The following TARDBP variants were observed in gnomAD, a reference collection of about 807,000 sequenced individuals.
TARDBP encodes the protein TAR DNA-binding protein 43.
Under a neutral mutation model 38.3 loss-of-function variants are expected in TARDBP, and 4 were observed. That is an observed-to-expected ratio of 0.10 (90% CI 0.05 to 0.24). TARDBP has a LOEUF of 0.24. Ranked by LOEUF, TARDBP falls within the 10% of genes least tolerant of loss-of-function variation. TARDBP has a pLI of 1.00. For missense variants in TARDBP, 202 were observed against 521.9 expected, an observed-to-expected ratio of 0.39 and a Z score of 5.97; for synonymous variants, 184 against 183.8, an observed-to-expected ratio of 1.00 and a Z score of -0.01.
At chr1:11,017,319 C>G (rs986667432) in intron 3 of TARDBP, among the ~76,000 whole-genome samples, 3 of 150,720 alleles carry the variant, frequency 2.0e-5, no homozygotes, top group Non-Finnish European at 4.4e-5. Flanking sequence ...TTTCTCCTGT[C>G]TCGGCCTCCT....
chr1:11,015,731 GT>G (rs956345965), intron 2 of TARDBP: 16 of 140,364 alleles, frequency 1.1e-4, no homozygotes, highest in Non-Finnish European at 2.0e-4. Context: ...TATTTGGGGG[GT>G]TTTTTTGTTG....
At chr1:11,014,070 A>G in intron 2 of TARDBP, 105 bp downstream of exon 2, 1 of 1,176,424 alleles carries the variant, frequency 8.5e-7, no homozygotes, top group East Asian at 2.3e-5. Flanking sequence ...CCTGAAACTT[A>G]AGTATTTCCT....
chr1:11,023,083 T>G lies in TARDBP; in HGVS notation c.*429T>G. On this transcript the variant is annotated 3_prime_UTR_variant, in exon 6 of 6. Coordinates refer to ENST00000240185, the MANE Select transcript of TARDBP (RefSeq NM_007375.4). The stretch of plus-strand genomic sequence containing the variant: ...GATTTTTTTCCTTAAGAAAATCTCC[T>G]TTTAGGAGATCATGGTGTCACAGTG... The G allele has an allele frequency of 1.3e-6, 2 of 1,494,486 alleles. No homozygotes were observed. The highest frequency in any genetic ancestry group is 1.8e-6 in the Non-Finnish European group (2 of 1,118,020). The allele number at this position is 1,494,486 out of a possible 1,614,324, so 92.6% of individuals were successfully genotyped here.
chr1:11,028,697 GTTTTTTTTCT>G (rs1643782184), downstream of TARDBP, among the ~76,000 whole-genome samples: 11 of 36,174 alleles, frequency 3.0e-4, no homozygotes, highest in African/African-American at 1.4e-3. Flanking sequence ...ATCTTTCTGG[GTTTTTTTTCT>G]TTTTTTTTTT....
chr1:11,026,814 G>C (rs565006914), downstream of TARDBP: 32 of 1,333,306 alleles, frequency 2.4e-5, no homozygotes, highest in African/African-American at 4.4e-4. Flanking sequence ...AATGCTTCTC[G>C]AGCCACGTCG....
At chr1:11,029,634 C>CTTTTTTTTTTT (rs551910712), downstream of TARDBP, 13 of 80,948 alleles carry the variant, frequency 1.6e-4, no homozygotes, top group Non-Finnish European at 2.2e-4. Flanking sequence ...TTTTTAAAAT[C>CTTTTTTTTTTT]TTTTTTTTTT....
At chr1:11,016,781 G>A in intron 2 of TARDBP, 63 bp from the exon 3 acceptor site, 1 of 1,518,418 alleles carries the variant, frequency 6.6e-7, no homozygotes, top group Non-Finnish European at 9.1e-7. Context: ...AGATGTAGGA[G>A]GTAGTGTTTT....
Position 11,020,619 on chromosome 1 carries a change from T to TA in TARDBP, c.714+21dup. ...GATCAGGTATTTTTCTCCTTAACGA[T>TA]ATGTCCCGGCCGGGCGTGGTGGCTC... On this transcript the variant is annotated intron_variant, in intron 5 of 5. Coordinates refer to ENST00000240185, the MANE Select transcript of TARDBP (RefSeq NM_007375.4). 6.2e-7 allele frequency: 1 copy of TA among 1,611,332 alleles called. No homozygotes were observed. Among genetic ancestry groups the TA allele is most frequent in the Non-Finnish European group, 8.5e-7 (1 of 1,179,414 alleles).
At chr1:11,013,637 C>G in intron 1 of TARDBP, 79 bp from the exon 2 acceptor site, 1 of 1,206,756 alleles carries the variant, frequency 8.3e-7, no homozygotes, top group South Asian at 1.3e-5. Context: ...AGAACTCTGA[C>G]ATGGTTTGGG....
downstream of TARDBP, among the ~76,000 whole-genome samples, chr1:11,029,280 G>T (rs1292180874): frequency 1.3e-5 from 2 of 151,364 alleles, no homozygotes; most frequent in Non-Finnish European, 2.9e-5. Context: ...GATTACAGGC[G>T]TGAGCCACCA....
intron 4 of TARDBP, among the ~76,000 whole-genome samples, chr1:11,019,866 CT>C (rs1288372949): frequency 2.0e-3 from 258 of 131,202 alleles, no homozygotes; most frequent in Admixed American, 2.4e-3. Flanking sequence ...GCACCTGGCC[CT>C]TTTTTTTTTT....
chr1:11,029,359 C>T (rs559975450), downstream of TARDBP, among the ~76,000 whole-genome samples: 5 of 150,814 alleles, frequency 3.3e-5, no homozygotes, highest in Admixed American at 2.0e-4. Flanking sequence ...CGAGATTGCG[C>T]CACTGCACTC....
intron 3 of TARDBP, among the ~76,000 whole-genome samples, chr1:11,017,682 A>T (rs1643555818): frequency 6.6e-6 from 1 of 152,200 alleles, no homozygotes; most frequent in East Asian, 1.9e-4. Context: ...TATTAAACTA[A>T]TGGGAGGTTT....
rs1449701655 is a variant in TARDBP at position 11,024,352 on chromosome 1, G to A, written c.*1698G>A. On this transcript the variant is annotated 3_prime_UTR_variant, in exon 6 of 6. Transcript: ENST00000240185. ...CCTAAAATGGTAAGCAGTACCCTCC[G>A]GCTTTTTCTTAGTGCCTCTGTGCAT... The A allele has an allele frequency of 3.3e-5, 5 of 152,168 alleles. No individual in the cohort carries two copies. Among genetic ancestry groups the A allele is most frequent in the Non-Finnish European group, 5.9e-5 (4 of 67,996 alleles). 9.4% of individuals were successfully genotyped at this position (152,168 alleles called of 1,614,324 possible). A position where few individuals can be genotyped will look rare whatever the true frequency, so the allele number is the denominator to read the frequency against.
chr1:11,014,010 G>T lies in TARDBP; in HGVS notation c.238+45G>T, dbSNP rs759774919. 4 of 1,580,774 alleles carry T rather than the reference G, an allele frequency of 2.5e-6. No individual in the cohort carries two copies. The East Asian group carries it at 6.7e-5, about 27-fold the overall frequency. On this transcript the variant is annotated intron_variant, in intron 2 of 5. Coordinates refer to ENST00000240185, the MANE Select transcript of TARDBP (RefSeq NM_007375.4). ...TTGTAATCATGCTGAAGTGTGTTCA[G>T]GTGTGTGTCTCATCCATGGATCTTA...
downstream of TARDBP, among the ~76,000 whole-genome samples, chr1:11,029,214 A>G (rs1316507419): frequency 2.7e-5 from 4 of 146,552 alleles, no homozygotes; most frequent in Non-Finnish European, 6.0e-5. Context: ...GTTGGCCAAG[A>G]TGGTCTCGAT....
At chr1:11,021,065 C>A (rs1258653447) in intron 5 of TARDBP, among the ~76,000 whole-genome samples, 2 of 151,886 alleles carry the variant, frequency 1.3e-5, no homozygotes, top group African/African-American at 2.4e-5. Flanking sequence ...ATCACAAATA[C>A]AACATTTTAA....
At chr1:11,017,372 T>TG (rs1298660770) in intron 3 of TARDBP, among the ~76,000 whole-genome samples, 1 of 152,070 alleles carries the variant, frequency 6.6e-6, no homozygotes, top group Non-Finnish European at 1.5e-5. Flanking sequence ...CTGGCTAATT[T>TG]TGTATTTTTA....
chr1:11,016,872 T>C lies in TARDBP; in HGVS notation c.267T>C (p.Asp89=). 1 of 1,614,188 alleles carries C rather than the reference T, an allele frequency of 6.2e-7. No homozygotes were observed. The change falls in exon 3 of 6, where the codon GAT becomes GAC. Residue 89 remains aspartate, a synonymous_variant. Coordinates refer to ENST00000240185, the MANE Select transcript of TARDBP (RefSeq NM_007375.4). ...ACAAAAGAAAAATGGATGAGACAGATGCTTCATCAGCAGTGAAAGTGAAAA... is the reference window on the plus strand; with the variant it reads ...ACAAAAGAAAAATGGATGAGACAGACGCTTCATCAGCAGTGAAAGTGAAAA... ...KDNKRKMDET[D]ASSAVKVKRA...
Sources: gnomAD v4.1 joint callset for allele counts (sites outside exome capture counted in the v4.1 genomes callset) on GRCh38, gnomAD v4.1.1 for gene constraint, MANE v1.5 for transcripts, NCBI Gene and HGNC (gene_info 2026-07-23, HGNC 2026-07-21) for gene names.